Variants in KCNAB1 observed in about 807,000 individuals in gnomAD.
KCNAB1 encodes voltage-gated potassium channel subunit beta-1.
KCNAB1 carries 35 observed loss-of-function variants against 64.6 expected under a neutral mutation model. The observed-to-expected ratio is 0.54, with a 90% CI of 0.41 to 0.72. The LOEUF (loss-of-function observed/expected upper bound fraction) is 0.72. KCNAB1 is among the 30% of genes least tolerant of loss of function. The pLI, the probability that KCNAB1 is intolerant of heterozygous loss-of-function variation, is 0.00. For missense variants in KCNAB1, 401 were observed against 512.9 expected (o/e 0.78, Z 2.11); for synonymous variants, 177 against 183.8 (o/e 0.96, Z 0.30).
chr3:156,519,622 G>T (rs541502218), intron 11 of KCNAB1, among the ~76,000 whole-genome samples: 2 of 152,184 alleles, frequency 1.3e-5, no homozygotes, highest in Non-Finnish European at 2.9e-5. Flanking sequence ...GGACTCTATT[G>T]GTTCACAAAG....
At chr3:156,262,737 G>A (rs886887060) in intron 1 of KCNAB1, among the ~76,000 whole-genome samples, 6 of 151,882 alleles carry the variant, frequency 4.0e-5, no homozygotes, top group African/African-American at 1.4e-4. Flanking sequence ...GTTTGTAAAG[G>A]ATTGTTACTA....
chr3:156,472,970 C>G, intron 7 of KCNAB1, among the ~76,000 whole-genome samples: 1 of 152,186 alleles, frequency 6.6e-6, no homozygotes, highest in South Asian at 2.1e-4. Flanking sequence ...CTCCTAGTTA[C>G]TCTCAGCCCA....
chr3:156,248,606 G>C (rs928401441), intron 1 of KCNAB1, among the ~76,000 whole-genome samples: 3 of 151,816 alleles, frequency 2.0e-5, no homozygotes, highest in Non-Finnish European at 2.9e-5. Flanking sequence ...GTTGAGAAGA[G>C]AGATAATACC....
chr3:156,122,020 T>C (rs1048173491), intron 1 of KCNAB1, among the ~76,000 whole-genome samples: 5 of 152,248 alleles, frequency 3.3e-5, no homozygotes, highest in Non-Finnish European at 7.3e-5. Flanking sequence ...TTTTAAAACC[T>C]AAACTATTAT....
chr3:156,242,707 C>A (rs1456597774), intron 1 of KCNAB1, among the ~76,000 whole-genome samples: 1 of 151,012 alleles, frequency 6.6e-6, no homozygotes, highest in Admixed American at 6.6e-5. Flanking sequence ...ATATTTTTCT[C>A]TTAACTCTAA....
intron 1 of KCNAB1, among the ~76,000 whole-genome samples, chr3:156,228,502 C>A: frequency 6.6e-6 from 1 of 152,200 alleles, no homozygotes; most frequent in East Asian, 1.9e-4. Flanking sequence ...CACACAGCGT[C>A]TGCTGTTTCT....
At chr3:156,536,252 C>G (rs1719049726) in intron 13 of KCNAB1, among the ~76,000 whole-genome samples, 1 of 152,138 alleles carries the variant, frequency 6.6e-6, no homozygotes, top group Non-Finnish European at 1.5e-5. Flanking sequence ...GACTTAGTAC[C>G]AAAAACAACT....
chr3:156,262,408 A>T (rs1015115753), intron 1 of KCNAB1, among the ~76,000 whole-genome samples: 1 of 151,908 alleles, frequency 6.6e-6, no homozygotes, highest in African/African-American at 2.4e-5. Context: ...AATAGGTGTT[A>T]GATTTTGATA....
intron 6 of KCNAB1, 123 bp from the exon 7 acceptor site, chr3:156,465,520 C>T: frequency 1.6e-6 from 1 of 617,778 alleles, no homozygotes; most frequent in Non-Finnish European, 2.5e-6. Flanking sequence ...TCTCCTTAGC[C>T]TCCCTCCAGT....
intron 1 of KCNAB1, among the ~76,000 whole-genome samples, chr3:156,408,247 T>G (rs1156751756): frequency 2.0e-5 from 3 of 152,120 alleles, no homozygotes; most frequent in South Asian, 4.1e-4. Flanking sequence ...CTCTAGGGAA[T>G]AGCTAAGAAT....
At chr3:156,133,337 G>A (rs1714110384) in intron 1 of KCNAB1, among the ~76,000 whole-genome samples, 1 of 152,164 alleles carries the variant, frequency 6.6e-6, no homozygotes, top group South Asian at 2.1e-4. Flanking sequence ...CTTTCCAGAT[G>A]GTCATTTATC....
chr3:156,263,301 G>A (rs1179057529), intron 1 of KCNAB1, among the ~76,000 whole-genome samples: 2 of 151,908 alleles, frequency 1.3e-5, no homozygotes, highest in African/African-American at 4.8e-5. Flanking sequence ...TGCCTTAGCT[G>A]CTTCCCATAA....
At chr3:156,447,205 C>T (rs939866980) in intron 2 of KCNAB1, among the ~76,000 whole-genome samples, 1 of 152,206 alleles carries the variant, frequency 6.6e-6, no homozygotes, top group Non-Finnish European at 1.5e-5. Context: ...TTCATATACT[C>T]TATCCCTGCT....
chr3:156,203,491 T>G (rs1349288814), intron 1 of KCNAB1, among the ~76,000 whole-genome samples: 1 of 152,218 alleles, frequency 6.6e-6, no homozygotes, highest in Non-Finnish European at 1.5e-5. Flanking sequence ...ATGGACCGTT[T>G]TCCCCAACTA....
At chr3:156,525,851 T>C (rs1382374448) in intron 12 of KCNAB1, among the ~76,000 whole-genome samples, 1 of 152,176 alleles carries the variant, frequency 6.6e-6, no homozygotes, top group African/African-American at 2.4e-5. Context: ...AAAGTAAAAA[T>C]GTTACAGTTA....
chr3:156,307,049 G>T (rs1363326992), intron 1 of KCNAB1, among the ~76,000 whole-genome samples: 1 of 152,196 alleles, frequency 6.6e-6, no homozygotes, highest in Non-Finnish European at 1.5e-5. Context: ...TTCCTGGGTT[G>T]AAATTAAGTT....
chr3:156,444,097 C>G (rs1315241759), intron 2 of KCNAB1, among the ~76,000 whole-genome samples: 1 of 152,178 alleles, frequency 6.6e-6, no homozygotes, highest in Non-Finnish European at 1.5e-5. Flanking sequence ...CAGCTTGGAT[C>G]CAAAAATAAG....
chr3:156,260,319 T>G (rs1014539001), intron 1 of KCNAB1, among the ~76,000 whole-genome samples: 1 of 152,198 alleles, frequency 6.6e-6, no homozygotes, highest in Non-Finnish European at 1.5e-5. Flanking sequence ...AAATGTACAA[T>G]TCAGTGATTT....
intron 1 of KCNAB1, among the ~76,000 whole-genome samples, chr3:156,241,413 A>G (rs1717157094): frequency 6.6e-6 from 1 of 152,130 alleles, no homozygotes; most frequent in South Asian, 2.1e-4. Context: ...TGCTCTATGG[A>G]CTGTATGCAC....
Sources: allele counts gnomAD v4.1 joint callset (sites outside exome capture counted in the v4.1 genomes callset), GRCh38; gene constraint gnomAD v4.1.1; transcripts MANE v1.5; gene names NCBI Gene and HGNC (gene_info 2026-07-23, HGNC 2026-07-21).